MRPL20: variants seen among roughly 807,000 people sequenced by gnomAD.
MRPL20 encodes large ribosomal subunit protein bL20m.
A neutral mutation model predicts 20.0 loss-of-function variants in MRPL20; 21 were observed. The observed-to-expected ratio is 1.05, with a 90% CI of 0.74 to 1.51. The LOEUF (loss-of-function observed/expected upper bound fraction) is 1.51. Ranked by LOEUF, MRPL20 falls within the 40% of genes most tolerant of loss-of-function variation. The pLI is 0.00. For missense variants in MRPL20, 252 were observed against 185.6 expected (o/e 1.36, Z -2.08); for synonymous variants, 104 against 73.0 (o/e 1.43, Z -2.17).
At chr1:1,403,816 A>G (rs920642365) in intron 3 of MRPL20, among the ~76,000 whole-genome samples, 1 of 152,138 alleles carries the variant, frequency 6.6e-6, no homozygotes, top group Non-Finnish European at 1.5e-5. Flanking sequence ...TTCACCTGCT[A>G]TGTCATCAGA....
chr1:1,405,555 T>A (rs2100397283), intron 3 of MRPL20: 1 of 652,242 alleles, frequency 1.5e-6, no homozygotes, highest in East Asian at 2.7e-5. Context: ...ACCTGCTCCG[T>A]TTCCAGCCTG....
chr1:1,403,726 T>G (rs1570065571), intron 3 of MRPL20, among the ~76,000 whole-genome samples: 1 of 152,250 alleles, frequency 6.6e-6, no homozygotes, highest in African/African-American at 2.4e-5. Context: ...CCAGATTCAG[T>G]AATCACCAAG....
rs1203963489 is a variant in MRPL20 at position 1,407,123 on chromosome 1, G to A, written c.87+8C>T. The A allele has an allele frequency of 1.9e-6, 3 of 1,606,702 alleles. No individual in the cohort carries two copies. Among genetic ancestry groups the A allele is most frequent in the Non-Finnish European group, 2.6e-6 (3 of 1,176,104 alleles). On this transcript the variant is annotated splice_region_variant and intron_variant, in intron 1 of 3. Transcript: ENST00000344843. The stretch of plus-strand genomic sequence containing the variant: ...GCCCAGTGCCCAGGCCGGGCAGGCG[G>A]CACTCACCCTGGCGTGCTTCAGCAC...
chr1:1,402,433 A>G (rs1020823125), intron 3 of MRPL20, 177 bp from the exon 4 acceptor site: 1 of 1,379,500 alleles, frequency 7.2e-7, no homozygotes, highest in African/African-American at 1.5e-5. Context: ...ATGCTGAAGG[A>G]TAAATGTGGA....
At position 1,407,143 on chromosome 1, in the gene MRPL20, C is replaced by T; in HGVS notation, c.75G>A (p.Leu25=). The T allele has an allele frequency of 1.2e-6, 2 of 1,607,806 alleles. No individual in the cohort carries two copies. The highest frequency in any genetic ancestry group is 1.1e-5 in the South Asian group (1 of 90,572). ...AGGCGGCACTCACCCTGGCGTGCTT[C>T]AGCACCTCCTGGATCCGAAAGTAGC... ...TDRYFRIQEV[L]KHARHFRGRK... is the part of the protein sequence containing the mutation. Residue 25 remains leucine (L), a synonymous_variant, in exon 1 of 4, where the codon CTG becomes CTA. Transcript: ENST00000344843.
rs978032441 is a variant in MRPL20, at chr1:1,406,732, G to C, written c.198+177C>G. On this transcript the variant is annotated intron_variant, in intron 2 of 3. Coordinates refer to ENST00000344843, the MANE Select transcript of MRPL20 (RefSeq NM_017971.4). ...GACAGTGGGGGTGGCGGCGGGGCGGGAGAACGGATGTCCCACAGTTTGCCT... is the reference window on the plus strand; with the variant it reads ...GACAGTGGGGGTGGCGGCGGGGCGGCAGAACGGATGTCCCACAGTTTGCCT... 5 of 636,588 alleles carry C rather than the reference G, an allele frequency of 7.9e-6. No homozygotes were observed. In the African/African-American group the frequency reaches 9.0e-5, roughly 11 times the overall value. 39.4% of individuals were successfully genotyped at this position (636,588 alleles called of 1,614,324 possible).
rs541277985 is a variant in MRPL20, at chr1:1,407,282, C to A, written c.-65G>T. 2 of 1,435,902 alleles carry A rather than the reference C, an allele frequency of 1.4e-6. No individual in the cohort carries two copies. Among genetic ancestry groups the A allele is most frequent in the East Asian group, 2.5e-5 (1 of 40,204 alleles). 88.9% of individuals were successfully genotyped at this position (1,435,902 alleles called of 1,614,324 possible). ...CGCGCAGCGCCGCTGCCATCTTGCCCGGGTCGGAAATGGTGGTCACGAGCG... is the reference window on the plus strand; with the variant it reads ...CGCGCAGCGCCGCTGCCATCTTGCCAGGGTCGGAAATGGTGGTCACGAGCG... On this transcript the variant is annotated 5_prime_UTR_variant, in exon 1 of 4. Coordinates refer to ENST00000344843, the MANE Select transcript of MRPL20 (RefSeq NM_017971.4).
chr1:1,407,277 T>C lies in MRPL20; in HGVS notation c.-60A>G, dbSNP rs542918772. On this transcript the variant is annotated 5_prime_UTR_variant, in exon 1 of 4. Transcript: ENST00000344843. ...ACGCACGCGCAGCGCCGCTGCCATC[T>C]TGCCCGGGTCGGAAATGGTGGTCAC... 1,456 of 1,451,646 alleles carry C rather than the reference T, an allele frequency of 1.0e-3. No individual in the cohort carries two copies. Among genetic ancestry groups the C allele is most frequent in the Non-Finnish European group, 1.3e-3 (1,395 of 1,061,072 alleles). 89.9% of individuals were successfully genotyped at this position (1,451,646 alleles called of 1,614,324 possible). A position where few individuals can be genotyped will look rare whatever the true frequency, so the allele number is the denominator to read the frequency against.
rs1645393103 is a variant in MRPL20 at position 1,407,152 on chromosome 1, C to T, written c.66G>A (p.Gln22=). 4 of 1,608,278 alleles carry T rather than the reference C, an allele frequency of 2.5e-6. No individual in the cohort carries two copies. Among genetic ancestry groups the T allele is most frequent in the Non-Finnish European group, 3.4e-6 (4 of 1,177,468 alleles). The change falls in exon 1 of 4, where the codon CAG becomes CAA. Residue 22 remains glutamine (Q), a synonymous_variant. Transcript: ENST00000344843. ...TCACCCTGGCGTGCTTCAGCACCTC[C>T]TGGATCCGAAAGTAGCGGTCGGTGA... ...NRVTDRYFRI[Q]EVLKHARHFR...
intron 3 of MRPL20, chr1:1,405,422 C>T (rs376519161): frequency 1.7e-6 from 1 of 584,054 alleles, no homozygotes; most frequent in East Asian, 2.8e-5. Context: ...CATTACATGT[C>T]TCTGTACCAC....
rs541815034 is a variant in MRPL20, at chr1:1,402,077, C to G, written c.*6G>C. 8.7e-6 allele frequency: 14 copies of G among 1,606,682 alleles called. No individual in the cohort carries two copies. The South Asian group carries it at 1.4e-4, about 17-fold the overall frequency. ...TCTCTTTTCCTAATCAATACAGCAACAGTCCTCAGTGGTACTGCACCACTC... is the reference window on the plus strand; with the variant it reads ...TCTCTTTTCCTAATCAATACAGCAAGAGTCCTCAGTGGTACTGCACCACTC... On this transcript the variant is annotated 3_prime_UTR_variant, in exon 4 of 4. Coordinates refer to ENST00000344843, the MANE Select transcript of MRPL20 (RefSeq NM_017971.4).
intron 3 of MRPL20, 52 bp downstream of exon 3, chr1:1,405,757 T>C (rs904584): frequency 1.6e-4 from 255 of 1,614,118 alleles, no homozygotes; most frequent in Middle Eastern, 1.2e-3. Flanking sequence ...CCCCGCATGA[T>C]GGTTTCTGCA....
chr1:1,405,496 G>A (rs1645374800), intron 3 of MRPL20: 3 of 603,364 alleles, frequency 5.0e-6, no homozygotes, highest in Non-Finnish European at 3.0e-6. Context: ...GGCTGTTGCT[G>A]GCACTATTCC....
intron 3 of MRPL20, among the ~76,000 whole-genome samples, chr1:1,403,703 A>G (rs1026293067): frequency 1.3e-5 from 2 of 152,040 alleles, no homozygotes; most frequent in African/African-American, 4.8e-5. Flanking sequence ...AAGCAGAGGG[A>G]CTAGCATAAT....
chr1:1,405,027 T>C (rs1183525408), intron 3 of MRPL20: 2 of 152,948 alleles, frequency 1.3e-5, no homozygotes, highest in African/African-American at 4.8e-5. Flanking sequence ...TCTTGCTCTG[T>C]TGCCCAGGCT....
chr1:1,402,670 G>A, intron 3 of MRPL20: 1 of 962,988 alleles, frequency 1.0e-6, no homozygotes, highest in Non-Finnish European at 1.2e-6. Context: ...GAAAAGGGGG[G>A]CCGTCTCTTT....
chr1:1,402,207 T>C lies in MRPL20; in HGVS notation c.326A>G (p.Glu109Gly). The C allele has an allele frequency of 1.9e-6, 3 of 1,614,018 alleles. No homozygotes were observed. The highest frequency in any genetic ancestry group is 2.5e-6 in the Non-Finnish European group (3 of 1,179,994). ...AGCCAAAGATTTGAAAGTCTTTGGC[T>C]CGTAGATGGCCAGATCCGCTAGGAC... ...RKVLADLAIY[E>G]PKTFKSLAAL... The change falls in exon 4 of 4, where the codon GAG (glutamate) becomes GGG (glycine). Residue 109 changes from glutamate (E) to glycine (G), a missense_variant. Transcript: ENST00000344843.
At chr1:1,403,444 A>C (rs527835234) in intron 3 of MRPL20, among the ~76,000 whole-genome samples, 1 of 151,896 alleles carries the variant, frequency 6.6e-6, no homozygotes, top group Middle Eastern at 3.4e-3. Flanking sequence ...GTGTTTCACC[A>C]TGTTAGCCAG....
At chr1:1,402,450 T>G in intron 3 of MRPL20, 194 bp from the exon 4 acceptor site, 1 of 1,359,778 alleles carries the variant, frequency 7.4e-7, no homozygotes, top group Non-Finnish European at 9.5e-7. Context: ...TGGACACGGG[T>G]GAGGGAAGCA....
Sources: gnomAD v4.1 joint callset for allele counts (sites outside exome capture counted in the v4.1 genomes callset) on GRCh38, gnomAD v4.1.1 for gene constraint, MANE v1.5 for transcripts, NCBI Gene and HGNC (gene_info 2026-07-23, HGNC 2026-07-21) for gene names.